The following MAN1A1 variants were observed in gnomAD, a reference collection of about 807,000 sequenced individuals.
MAN1A1 encodes mannosyl-oligosaccharide 1,2-alpha-mannosidase IA.
MAN1A1 carries 29 observed loss-of-function variants against 70.8 expected under a neutral mutation model. That is an observed-to-expected ratio of 0.41 (90% CI 0.31 to 0.56). The LOEUF is 0.56. MAN1A1 is among the 20% of genes least tolerant of loss of function. MAN1A1 has a pLI of 0.29. For missense variants in MAN1A1, 747 were observed against 841.3 expected (o/e 0.89, Z 1.39); for synonymous variants, 349 against 330.1 (o/e 1.06, Z -0.62).
chr6:119,327,401 T>TG (rs1480487754), intron 2 of MAN1A1: 1 of 148,244 alleles, frequency 6.7e-6, no homozygotes, highest in Non-Finnish European at 1.5e-5. Context: ...GTTTTTTTTT[T>TG]TTTTTTGAGA....
intron 2 of MAN1A1, among the ~76,000 whole-genome samples, chr6:119,346,132 G>A (rs1022797894): frequency 1.3e-5 from 2 of 151,872 alleles, no homozygotes; most frequent in Admixed American, 1.3e-4. Flanking sequence ...AAAACACAAT[G>A]GTAAAGAAAA....
rs566660725 is a variant in MAN1A1 at position 119,184,629 on chromosome 6, C to T, written c.1719+3776G>A. On this transcript the variant is annotated intron_variant, in intron 11 of 12. Coordinates refer to ENST00000368468, the MANE Select transcript of MAN1A1 (RefSeq NM_005907.4). ...AGTCACTTCCTGAGAGTCGAAATGT[C>T]TGAGTGGAAAAGGTTAGGTTTAGAA... 2.9e-4 allele frequency among the ~76,000 whole-genome samples: 44 copies of T among 151,892 alleles called. 1 individual carries two copies. Among genetic ancestry groups the T allele is most frequent in the Middle Eastern group, 6.8e-3 (2 of 294 alleles).
intron 5 of MAN1A1, among the ~76,000 whole-genome samples, chr6:119,285,932 T>A (rs1345297062): frequency 6.6e-6 from 1 of 152,196 alleles, no homozygotes; most frequent in Non-Finnish European, 1.5e-5. Flanking sequence ...CAGATTGCTG[T>A]TAATGCTCTT....
intron 5 of MAN1A1, among the ~76,000 whole-genome samples, chr6:119,284,275 C>T (rs138965378): frequency 1.3e-3 from 203 of 152,208 alleles, no homozygotes; most frequent in African/African-American, 4.7e-3. Flanking sequence ...TCCCAATCAC[C>T]GCCCAATCTG....
At position 119,180,423 on chromosome 6, in the gene MAN1A1, A is replaced by G. The variant is rs1412595915; in HGVS notation, c.1724T>C (p.Leu575Ser). Residue 575 changes from leucine (L) to serine (S), a missense_variant, in exon 12 of 13, where the codon TTG becomes TCG. By Grantham distance (145) the Leu-to-Ser change is moderately radical (BLOSUM62 -2). Transcript: ENST00000368468. Reference sequence around the variant, plus strand: ...TCCATTCACTCTGCAATGGTTTTCCAAGGCCTAAATTATAGAGGAGGAAAA... The same window carrying G: ...TCCATTCACTCTGCAATGGTTTTCCGAGGCCTAAATTATAGAGGAGGAAAA... ...RKWAWEAVEA[L>S]ENHCRVNGGY... The G allele has an allele frequency of 1.3e-6, 2 of 1,575,856 alleles. No homozygotes were observed. Among genetic ancestry groups the G allele is most frequent in the Non-Finnish European group, 1.7e-6 (2 of 1,150,300 alleles).
chr6:119,256,411 A>ATTTT (rs372688734), intron 5 of MAN1A1, among the ~76,000 whole-genome samples: 1 of 117,882 alleles, frequency 8.5e-6, no homozygotes. Flanking sequence ...ATTGTATCTC[A>ATTTT]TTATTTTTTT....
At chr6:119,278,148 A>AAAAAC (rs1197168721) in intron 5 of MAN1A1, among the ~76,000 whole-genome samples, 1 of 151,780 alleles carries the variant, frequency 6.6e-6, no homozygotes, top group Non-Finnish European at 1.5e-5. Flanking sequence ...TCAATTCTGA[A>AAAAAC]AAAACAAAAC....
intron 5 of MAN1A1, among the ~76,000 whole-genome samples, chr6:119,251,567 A>G (rs995481759): frequency 6.6e-6 from 1 of 152,222 alleles, no homozygotes; most frequent in Non-Finnish European, 1.5e-5. Flanking sequence ...CACACTGATA[A>G]CTAGTACCAT....
intron 4 of MAN1A1, among the ~76,000 whole-genome samples, chr6:119,295,283 A>G (rs779063185): frequency 6.6e-6 from 1 of 152,164 alleles, no homozygotes; most frequent in African/African-American, 2.4e-5. Context: ...TGATATTTTT[A>G]TAGGCAACTT....
intron 2 of MAN1A1, among the ~76,000 whole-genome samples, chr6:119,332,548 G>A (rs1773347329): frequency 6.6e-6 from 1 of 152,228 alleles, no homozygotes. Context: ...CGGGCACGGT[G>A]GCTCACGCCT....
chr6:119,330,144 AT>A (rs1773270437), intron 2 of MAN1A1, among the ~76,000 whole-genome samples: 1 of 152,008 alleles, frequency 6.6e-6, no homozygotes, highest in African/African-American at 2.4e-5. Context: ...AATAGATCTT[AT>A]TTATTTCCAT....
intron 6 of MAN1A1, among the ~76,000 whole-genome samples, chr6:119,248,006 C>T (rs1331946160): frequency 6.6e-6 from 1 of 152,170 alleles, no homozygotes; most frequent in African/African-American, 2.4e-5. Context: ...CACTATGAAA[C>T]AGTGTAAACC....
chr6:119,257,209 A>C (rs1291160836), intron 5 of MAN1A1, among the ~76,000 whole-genome samples: 1 of 152,230 alleles, frequency 6.6e-6, no homozygotes, highest in African/African-American at 2.4e-5. Context: ...AGTGCTTTTC[A>C]TGATAGCGAG....
chr6:119,340,261 A>G (rs904404371), intron 2 of MAN1A1, among the ~76,000 whole-genome samples: 1 of 152,030 alleles, frequency 6.6e-6, no homozygotes, highest in East Asian at 1.9e-4. Context: ...GAGGAAACAC[A>G]CTCCCCTTTT....
intron 2 of MAN1A1, among the ~76,000 whole-genome samples, chr6:119,323,537 A>G (rs555622877): frequency 6.6e-6 from 1 of 152,132 alleles, no homozygotes; most frequent in African/African-American, 2.4e-5. Context: ...GAACAACTGC[A>G]GGTTATTTTT....
At position 119,210,905 on chromosome 6, in the gene MAN1A1, T is replaced by C. The variant is rs74766665; in HGVS notation, c.993-6023A>G. 11 of 456,344 alleles carry C rather than the reference T, an allele frequency of 2.4e-5. No individual in the cohort carries two copies. The East Asian group carries it at 3.5e-4, about 14-fold the overall frequency. The allele number at this position is 456,344 out of a possible 1,614,324, so 28.3% of individuals were successfully genotyped here. Reference sequence around the variant, plus strand: ...ATCCCACCTCATATGGTAGCCTCCATAGCCCTTGGGATATTGCACATCCAC... The same window carrying C: ...ATCCCACCTCATATGGTAGCCTCCACAGCCCTTGGGATATTGCACATCCAC... On this transcript the variant is annotated intron_variant, in intron 6 of 12. Coordinates refer to ENST00000368468, the MANE Select transcript of MAN1A1 (RefSeq NM_005907.4).
intron 6 of MAN1A1, among the ~76,000 whole-genome samples, chr6:119,243,480 T>G (rs915603920): frequency 6.6e-6 from 1 of 152,102 alleles, no homozygotes. Context: ...TCATCTTTCA[T>G]AGTTTGTGTT....
intron 6 of MAN1A1, among the ~76,000 whole-genome samples, chr6:119,225,226 A>T (rs1411811913): frequency 1.3e-5 from 2 of 152,118 alleles, no homozygotes; most frequent in African/African-American, 4.8e-5. Flanking sequence ...GTGAAATAAC[A>T]TTTAGGGGTC....
At chr6:119,292,289 G>GAGTAGTTGTT (rs56961121) in intron 4 of MAN1A1, among the ~76,000 whole-genome samples, 57,156 of 151,638 alleles carry the variant, frequency 0.38, 11,213 homozygotes, top group Non-Finnish European at 0.41. Context: ...TGGGCCTACT[G>GAGTAGTTGTT]CACTTTTGCC....
Sources: gnomAD v4.1 joint callset for allele counts (sites outside exome capture counted in the v4.1 genomes callset) on GRCh38, gnomAD v4.1.1 for gene constraint, MANE v1.5 for transcripts, NCBI Gene and HGNC (gene_info 2026-07-23, HGNC 2026-07-21) for gene names.